The following NFATC4 variants were observed in gnomAD, a reference collection of about 807,000 sequenced individuals.
NFATC4 encodes the protein nuclear factor of activated T cells 4, also known as nuclear factor of activated T-cells, cytoplasmic 4.
NFATC4 carries 25 observed loss-of-function variants against 73.4 expected under a neutral mutation model. That is an observed-to-expected ratio of 0.34 (90% CI 0.25 to 0.48). The LOEUF (loss-of-function observed/expected upper bound fraction) is 0.48. Ranked by LOEUF, NFATC4 falls within the 20% of genes least tolerant of loss-of-function variation. The pLI is 0.99. For missense variants in NFATC4, 1,130 were observed against 1,203.7 expected (o/e 0.94, Z 0.91); for synonymous variants, 523 against 510.3 (o/e 1.02, Z -0.34).
intron 1 of NFATC4, chr14:24,369,232 A>C: frequency 6.5e-7 from 1 of 1,535,860 alleles, no homozygotes; most frequent in African/African-American, 1.4e-5. Context: ...GCCCCTCTGG[A>C]CCCACCTCTC....
Position 24,368,244 on chromosome 14 carries a change from A to G in NFATC4, c.-97A>G. On this transcript the variant is annotated 5_prime_UTR_variant, in exon 1 of 10. Transcript: ENST00000250373. ...AGCGACGGAGGAGGGGGCTTCTCAG[A>G]GAAAGGGAGGGAGGGAGCCACCCGG... The G allele has an allele frequency of 7.5e-7, 1 of 1,330,152 alleles. No individual in the cohort carries two copies. The highest frequency in any genetic ancestry group is 9.6e-7 in the Non-Finnish European group (1 of 1,037,162). 82.4% of individuals were successfully genotyped at this position (1,330,152 alleles called of 1,614,324 possible). A position where few individuals can be genotyped will look rare whatever the true frequency, so the allele number is the denominator to read the frequency against.
chr14:24,375,148 A>C (rs1011951755), intron 6 of NFATC4, among the ~76,000 whole-genome samples: 5 of 151,832 alleles, frequency 3.3e-5, no homozygotes, highest in Non-Finnish European at 5.9e-5. Context: ...TGATCCTTCC[A>C]CCTTGGCCTC....
chr14:24,369,986 C>G lies in NFATC4; in HGVS notation c.588C>G (p.Asp196Glu). ...SDEAALYAAC[D>E]EVESELNEAA... ...AGGCAGCCCTGTATGCAGCCTGCGACGAGGTGGAGTCTGAGCTAAATGAGG... is the reference window on the plus strand; with the variant it reads ...AGGCAGCCCTGTATGCAGCCTGCGAGGAGGTGGAGTCTGAGCTAAATGAGG... Residue 196 changes from aspartate (D) to glutamate (E), a missense_variant, in exon 2 of 10, where the codon GAC becomes GAG. By Grantham distance (45) the Asp-to-Glu change is conservative. Around this residue, in one of 3 missense-constraint regions of NFATC4, gnomAD observed 585 missense variants for 574.3 expected, o/e 1.02. Coordinates refer to ENST00000250373, the MANE Select transcript of NFATC4 (RefSeq NM_004554.5). The G allele has an allele frequency of 1.2e-6, 2 of 1,612,912 alleles. No individual in the cohort carries two copies. Among genetic ancestry groups the G allele is most frequent in the African/African-American group, 2.7e-5 (2 of 75,034 alleles).
chr14:24,374,317 G>A lies in NFATC4; in HGVS notation c.1733-9G>A. The A allele has an allele frequency of 1.2e-6, 2 of 1,606,450 alleles. No individual in the cohort carries two copies. The highest frequency in any genetic ancestry group is 1.1e-5 in the South Asian group (1 of 89,754). On this transcript the variant is annotated splice_polypyrimidine_tract_variant and intron_variant, in intron 5 of 9. Transcript: ENST00000250373. ...CCCAGCCAGTCCTCTTCCTTGCACTGCTCTGCAGCCCAGCGCTCAGCCCAG... is the reference window on the plus strand; with the variant it reads ...CCCAGCCAGTCCTCTTCCTTGCACTACTCTGCAGCCCAGCGCTCAGCCCAG...
chr14:24,375,082 G>A (rs2042575360), intron 6 of NFATC4, among the ~76,000 whole-genome samples: 1 of 152,010 alleles, frequency 6.6e-6, no homozygotes. Flanking sequence ...AATATTCTGT[G>A]TAGAGACAGG....
upstream of NFATC4, chr14:24,368,148 T>G: frequency 1.7e-6 from 2 of 1,206,602 alleles, no homozygotes; most frequent in Non-Finnish European, 1.0e-6. Context: ...GGGACCGCTT[T>G]GAAGAAGTTT....
rs757207936 is a variant in NFATC4, at chr14:24,369,907, G to C, written c.509G>C (p.Ser170Thr). ...GQGGGAFFSPSPGSSSLSSWS... is the reference protein window; with the variant it reads ...GQGGGAFFSPTPGSSSLSSWS... ...GGTGGGGGGGCCTTCTTCAGCCCAAGCCCTGGCAGCAGCAGCCTGTCCTCG... is the reference window on the plus strand; with the variant it reads ...GGTGGGGGGGCCTTCTTCAGCCCAACCCCTGGCAGCAGCAGCCTGTCCTCG... Residue 170 changes from serine (S) to threonine (T), a missense_variant, in exon 2 of 10, where the codon AGC (serine) becomes ACC (threonine). Physicochemically the swap from Ser to Thr is moderately conservative, Grantham distance 58. This residue lies in a region of NFATC4 where 585 missense variants were observed against 574.3 expected (regional missense o/e 1.02). Coordinates refer to ENST00000250373, the MANE Select transcript of NFATC4 (RefSeq NM_004554.5). The C allele has an allele frequency of 6.2e-7, 1 of 1,612,302 alleles. No individual in the cohort carries two copies. The highest frequency in any genetic ancestry group is 8.5e-7 in the Non-Finnish European group (1 of 1,179,746).
At chr14:24,367,737 T>C (rs1432124420), upstream of NFATC4, 1 of 1,458,474 alleles carries the variant, frequency 6.9e-7, no homozygotes, top group Non-Finnish European at 9.1e-7. Context: ...GCCTCAGGCT[T>C]GGAGGGAAAG....
At position 24,372,446 on chromosome 14, in the gene NFATC4, C is replaced by A; in HGVS notation, c.1202C>A (p.Ser401Tyr). ...TGCTCTTCTCTCCCACCCAGGACCT[C>A]TGCCCTACCCCCACTGGACTGGCCT... ...IGGHSPIFRT[S>Y]ALPPLDWPLP... Residue 401 changes from serine (S) to tyrosine (Y), a missense_variant, in exon 3 of 10, where the codon TCT becomes TAT. By Grantham distance (144) the Ser-to-Tyr change is moderately radical. Transcript: ENST00000250373. The A allele has an allele frequency of 6.2e-7, 1 of 1,613,238 alleles. No homozygotes were observed. Among genetic ancestry groups the A allele is most frequent in the Non-Finnish European group, 8.5e-7 (1 of 1,179,966 alleles).
chr14:24,367,677 T>G, upstream of NFATC4: 1 of 1,534,700 alleles, frequency 6.5e-7, no homozygotes, highest in Non-Finnish European at 8.7e-7. Flanking sequence ...AAGAATAGCC[T>G]TTTCCTCTTC....
rs1055374659 is a variant in NFATC4, at chr14:24,370,045, C to T, written c.647C>T (p.Pro216Leu). The T allele has an allele frequency of 1.9e-6, 3 of 1,609,660 alleles. No homozygotes were observed. The highest frequency in any genetic ancestry group is 2.5e-6 in the Non-Finnish European group (3 of 1,179,898). The change falls in exon 2 of 10, where the codon CCC (proline) becomes CTC (leucine). Residue 216 changes from proline to leucine, a missense_variant. Transcript: ENST00000250373. ...CGCTTTGGCCTGGGCTCCCCGCTGCCCTCGCCCCGGGCCTCCCCTCGGCCA... is the reference window on the plus strand; with the variant it reads ...CGCTTTGGCCTGGGCTCCCCGCTGCTCTCGCCCCGGGCCTCCCCTCGGCCA... ...ASRFGLGSPL[P>L]SPRASPRPWT...
chr14:24,374,176 T>C (rs1263536525), intron 5 of NFATC4, 150 bp from the exon 6 acceptor site: 3 of 1,031,478 alleles, frequency 2.9e-6, no homozygotes, highest in South Asian at 1.5e-5. Context: ...TGTATGTGAC[T>C]CCATGGATAT....
Position 24,377,921 on chromosome 14 carries a change from G to C in NFATC4, c.*216G>C. On this transcript the variant is annotated 3_prime_UTR_variant, in exon 10 of 10. Transcript: ENST00000250373. This position sits in a 1 kb window ranked among gnomAD's most constrained non-coding sequence, Gnocchi z 4.2. Reference sequence around the variant, plus strand: ...TGGAGGGCTGGGGGAAGGAGTGTGTGGAGGAGGGAGGAGGGTGAAGACTGA... The same window carrying C: ...TGGAGGGCTGGGGGAAGGAGTGTGTCGAGGAGGGAGGAGGGTGAAGACTGA... 1 of 910,152 alleles carries C rather than the reference G, an allele frequency of 1.1e-6. No homozygotes were observed. The highest frequency in any genetic ancestry group is 1.6e-6 in the Non-Finnish European group (1 of 620,844). The allele number at this position is 910,152 out of a possible 1,614,324, so 56.4% of individuals were successfully genotyped here.
At position 24,370,054 on chromosome 14, in the gene NFATC4, G is replaced by T. The variant is rs765097596; in HGVS notation, c.656G>T (p.Arg219Leu). 1.9e-6 allele frequency: 3 copies of T among 1,608,592 alleles called. No individual in the cohort carries two copies. Among genetic ancestry groups the T allele is most frequent in the Non-Finnish European group, 1.7e-6 (2 of 1,179,844 alleles). The change falls in exon 2 of 10, where the codon CGG becomes CTG. Residue 219 changes from arginine (R) to leucine (L), a missense_variant. Arg to Leu is a moderately radical substitution (Grantham distance 102). Coordinates refer to ENST00000250373, the MANE Select transcript of NFATC4 (RefSeq NM_004554.5). ...FGLGSPLPSP[R>L]ASPRPWTPED... ...CTGGGCTCCCCGCTGCCCTCGCCCC[G>T]GGCCTCCCCTCGGCCATGGACCCCC...
intron 7 of NFATC4, 31 bp downstream of exon 7, chr14:24,375,746 GGC>G (rs1436738280): frequency 2.6e-6 from 4 of 1,523,538 alleles, no homozygotes; most frequent in African/African-American, 1.4e-5. Flanking sequence ...CCTCCTGGGG[GGC>G]GGGGGTGGGA....
Position 24,369,532 on chromosome 14 carries a change from G to T in NFATC4, c.134G>T (p.Arg45Leu), listed in dbSNP as rs756375882. ...LDSEDAPPCC[R>L]LALGEPPPYG... ...TCAGAGGATGCCCCGCCATGCTGCC[G>T]TCTGGCCTTGGGAGAGCCCCCTCCC... The change falls in exon 2 of 10, where the codon CGT (arginine) becomes CTT (leucine). Residue 45 changes from arginine to leucine, a missense_variant. Physicochemically the swap from Arg to Leu is moderately radical, Grantham distance 102. Coordinates refer to ENST00000250373, the MANE Select transcript of NFATC4 (RefSeq NM_004554.5). 1.9e-6 allele frequency: 3 copies of T among 1,609,982 alleles called. No homozygotes were observed. In the East Asian group the frequency reaches 6.7e-5, roughly 36 times the overall value.
chr14:24,367,434 G>A, upstream of NFATC4: 2 of 1,535,694 alleles, frequency 1.3e-6, no homozygotes. Flanking sequence ...CCTCTGGGTG[G>A]CTGGGACAAG....
In NFATC4 at chr14:24,376,894, G is replaced by A; in HGVS notation, c.2641+16G>A. ...CTGGAGGAAGGTGGGTGTGGGACTG[G>A]GGGCTGTGAGTGTGAGTGTGTGCAA... On this transcript the variant is annotated intron_variant, in intron 9 of 9. Coordinates refer to ENST00000250373, the MANE Select transcript of NFATC4 (RefSeq NM_004554.5). This position sits in a 1 kb window ranked among gnomAD's most constrained non-coding sequence, Gnocchi z 5.0. The A allele has an allele frequency of 6.5e-7, 1 of 1,536,760 alleles. No individual in the cohort carries two copies. Among genetic ancestry groups the A allele is most frequent in the Non-Finnish European group, 8.7e-7 (1 of 1,144,326 alleles).
upstream of NFATC4, chr14:24,367,451 G>A: frequency 1.3e-6 from 2 of 1,535,732 alleles, no homozygotes; most frequent in Non-Finnish European, 1.7e-6. Flanking sequence ...CAAGGGCAGC[G>A]GCAAAGCCTG....
Sources: allele counts gnomAD v4.1 joint callset (sites outside exome capture counted in the v4.1 genomes callset), GRCh38; gene constraint gnomAD v4.1.1; regional missense constraint gnomAD v4.1.1; non-coding constraint Gnocchi (gnomAD v3.1); transcripts MANE v1.5; gene names NCBI Gene and HGNC (gene_info 2026-07-23, HGNC 2026-07-21).